Variants in SPTBN1 observed in about 807,000 individuals in gnomAD.
SPTBN1 encodes the protein spectrin beta, non-erythrocytic 1, also known as spectrin beta chain, non-erythrocytic 1.
SPTBN1 carries 32 observed loss-of-function variants against 266.4 expected under a neutral mutation model. The ratio of observed to expected loss-of-function variants is 0.12; its 90% CI spans 0.09 to 0.16. The LOEUF is 0.16. Among genes scored for constraint, SPTBN1 ranks in the 10% least tolerant of loss-of-function variants. The pLI is 1.00. For synonymous variants in SPTBN1, 1,336 were observed against 1,162.2 expected (o/e 1.15, Z -3.04); for missense variants, 2,296 against 3,067.1 (o/e 0.75, Z 5.94).
In SPTBN1 at chr2:54,657,839, A is replaced by G; in HGVS notation, c.6047-11A>G. On this transcript the variant is annotated splice_polypyrimidine_tract_variant and intron_variant, in intron 29 of 35. Transcript: ENST00000356805. ...TGGTCAACGTGTACTAACTCATGGTACCCTGTGCAGTTCTGGAGGTCCATC... is the reference window on the plus strand; with the variant it reads ...TGGTCAACGTGTACTAACTCATGGTGCCCTGTGCAGTTCTGGAGGTCCATC... 7 of 1,614,040 alleles carry G rather than the reference A, an allele frequency of 4.3e-6. No individual in the cohort carries two copies. The highest frequency in any genetic ancestry group is 5.1e-6 in the Non-Finnish European group (6 of 1,179,996).
intron 2 of SPTBN1, among the ~76,000 whole-genome samples, chr2:54,530,960 T>A (rs927266569): frequency 6.6e-6 from 1 of 152,168 alleles, no homozygotes; most frequent in Non-Finnish European, 1.5e-5. Flanking sequence ...AGTTAGAGAA[T>A]TGGAACTTTC....
chr2:54,653,652 A>C lies in SPTBN1; in HGVS notation c.5621A>C (p.Tyr1874Ser). The change falls in exon 27 of 36, where the codon TAT (tyrosine) becomes TCT (serine). Residue 1874 changes from tyrosine to serine, a missense_variant. Transcript: ENST00000356805. The surrounding 1 kb of genome is among the most constrained non-coding windows in gnomAD (Gnocchi z 5.1). ...QEDAARLQAA[Y>S]AGDKADDIQK... ...GATGCAGCCCGCCTCCAGGCGGCCT[A>C]TGCGGGTGACAAGGCCGACGATATC... The C allele has an allele frequency of 6.2e-7, 1 of 1,614,094 alleles. No individual in the cohort carries two copies. The highest frequency in any genetic ancestry group is 8.5e-7 in the Non-Finnish European group (1 of 1,180,014).
chr2:54,613,837 A>C (rs752865821), intron 4 of SPTBN1, among the ~76,000 whole-genome samples: 1 of 152,068 alleles, frequency 6.6e-6, no homozygotes, highest in Non-Finnish European at 1.5e-5. Flanking sequence ...TTAGCAGTAC[A>C]CTCCTCTAGC....
At chr2:54,642,238 G>T (rs1474444735) in intron 18 of SPTBN1, among the ~76,000 whole-genome samples, 1 of 152,234 alleles carries the variant, frequency 6.6e-6, no homozygotes, top group Non-Finnish European at 1.5e-5. Flanking sequence ...CGGTAAGAGA[G>T]CTCCTTTCTC....
chr2:54,662,027 C>T (rs2104230384), intron 32 of SPTBN1: 3 of 985,420 alleles, frequency 3.0e-6, no homozygotes, highest in Middle Eastern at 5.2e-4. Flanking sequence ...TTGCTTCGTG[C>T]ACTTTGAATA....
intron 2 of SPTBN1, among the ~76,000 whole-genome samples, chr2:54,543,007 C>T (rs1232473948): frequency 1.3e-5 from 2 of 152,306 alleles, no homozygotes; most frequent in African/African-American, 4.8e-5. Context: ...GGCCCTGAGG[C>T]TCTCTCAGTC....
rs543999428 is a variant in SPTBN1, at chr2:54,625,056, A to G, written c.1341+94A>G. ...GCATAGGGCCAGAGGACAGCTGCTT[A>G]TCGACATTCATTATTCTGGAGGAAC... On this transcript the variant is annotated intron_variant, in intron 11 of 35. Coordinates refer to ENST00000356805, the MANE Select transcript of SPTBN1 (RefSeq NM_003128.3). 8.5e-6 allele frequency: 12 copies of G among 1,418,980 alleles called. No homozygotes were observed. The South Asian group carries it at 1.1e-4, about 13-fold the overall frequency. The allele number at this position is 1,418,980 out of a possible 1,614,324, so 87.9% of individuals were successfully genotyped here.
chr2:54,468,320 TA>T (rs11288714), intron 1 of SPTBN1, among the ~76,000 whole-genome samples: 34,264 of 145,900 alleles, frequency 0.23, 4,302 homozygotes, highest in African/African-American at 0.33. Flanking sequence ...AAAAATAAAA[TA>T]AAAAAATAAA....
chr2:54,599,897 G>A (rs1357098363), intron 3 of SPTBN1, among the ~76,000 whole-genome samples: 2 of 152,180 alleles, frequency 1.3e-5, no homozygotes, highest in Non-Finnish European at 2.9e-5. Context: ...TTATACCAAA[G>A]AAGCTTAAAG....
rs117802256 is a variant in SPTBN1, at chr2:54,505,763, A to T, written c.-47-20609A>T. Among the ~76,000 whole-genome samples, 301 of 152,246 alleles carry T rather than the reference A, an allele frequency of 2.0e-3. 9 individuals are homozygous for T. In the East Asian group the frequency reaches 0.056, roughly 28 times the overall value. On this transcript the variant is annotated intron_variant, in intron 1 of 35. Transcript: ENST00000356805. ...GTTGTATCTTCTGCTGTTGCTTCAC[A>T]TTGAGCTTGCCACGTTTTCCTTGAA...
At chr2:54,617,446 C>T (rs936658582) in intron 5 of SPTBN1, among the ~76,000 whole-genome samples, 162 bp from the exon 6 acceptor site, 2 of 152,176 alleles carry the variant, frequency 1.3e-5, no homozygotes, top group Non-Finnish European at 2.9e-5. Flanking sequence ...ATGGCAGGCT[C>T]GAGTTGACGG....
chr2:54,471,407 C>T (rs1401284331), intron 1 of SPTBN1, among the ~76,000 whole-genome samples: 2 of 151,908 alleles, frequency 1.3e-5, no homozygotes, highest in African/African-American at 4.8e-5. Context: ...TTTTCTGATA[C>T]ATATTTTTTG....
chr2:54,644,384 C>T lies in SPTBN1; in HGVS notation c.4067C>T (p.Thr1356Ile), dbSNP rs1484839449. The change falls in exon 20 of 36, where the codon ACT becomes ATT. Residue 1356 changes from threonine to isoleucine, a missense_variant. By Grantham distance (89) the Thr-to-Ile change is moderately conservative (BLOSUM62 -1). This residue lies in a region of SPTBN1 where 386 missense variants were observed against 486.1 expected (regional missense o/e 0.79). Transcript: ENST00000356805. ...GAAGCTGTGGTGAAGGAGAAACTCACTGGTTTACATAAAATGTGGGAAGTC... is the reference window on the plus strand; with the variant it reads ...GAAGCTGTGGTGAAGGAGAAACTCATTGGTTTACATAAAATGTGGGAAGTC... Reference protein sequence around the residue: ...ETEAVVKEKLTGLHKMWEVLE... With the variant: ...ETEAVVKEKLIGLHKMWEVLE... 5.0e-6 allele frequency: 8 copies of T among 1,614,054 alleles called. No homozygotes were observed. The Admixed American group carries it at 1.2e-4, about 24-fold the overall frequency.
chr2:54,667,547 G>A (rs878899058), intron 34 of SPTBN1, 57 bp from the exon 35 acceptor site: 3 of 1,543,086 alleles, frequency 1.9e-6, no homozygotes, highest in Non-Finnish European at 9.0e-7. Flanking sequence ...TGGGAGTTGG[G>A]GGATTTTTAT....
In SPTBN1 at chr2:54,569,620, C is replaced by A. The variant is rs905876920; in HGVS notation, c.149-29472C>A. 1.6e-4 allele frequency among the ~76,000 whole-genome samples: 25 copies of A among 152,214 alleles called. No individual in the cohort carries two copies. The East Asian group carries it at 4.6e-3, about 28-fold the overall frequency. On this transcript the variant is annotated intron_variant, in intron 2 of 35. Transcript: ENST00000356805. ...TATGTGGTTATTTCTGTGCCTCTTA[C>A]CAAATATTGGCAATTCACTTTCCAA... is the stretch of plus-strand genomic sequence containing the variant.
At chr2:54,473,544 C>A (rs1191167667) in intron 1 of SPTBN1, among the ~76,000 whole-genome samples, 1 of 151,878 alleles carries the variant, frequency 6.6e-6, no homozygotes, top group African/African-American at 2.4e-5. Context: ...ACACACACAT[C>A]CTTGGATAAC....
Position 54,659,146 on chromosome 2 carries a change from T to C in SPTBN1, c.6244-8T>C. ...GACTCTACCAAACATCACTCTATTT[T>C]CTCTTAGTTGGAGTTACTGGAAGTG... On this transcript the variant is annotated splice_region_variant and splice_polypyrimidine_tract_variant and intron_variant, in intron 30 of 35. Coordinates refer to ENST00000356805, the MANE Select transcript of SPTBN1 (RefSeq NM_003128.3). The C allele has an allele frequency of 6.2e-7, 1 of 1,613,802 alleles. No homozygotes were observed. The highest frequency in any genetic ancestry group is 1.7e-5 in the Admixed American group (1 of 60,008).
intron 2 of SPTBN1, among the ~76,000 whole-genome samples, chr2:54,573,015 C>G (rs1304294668): frequency 6.6e-6 from 1 of 152,150 alleles, no homozygotes; most frequent in African/African-American, 2.4e-5. Flanking sequence ...GGGCCCAGAC[C>G]CCACCAGATA....
In SPTBN1 at chr2:54,628,762, T is replaced by C. The variant is rs752979798; in HGVS notation, c.1799-171T>C. On this transcript the variant is annotated intron_variant, in intron 13 of 35. Transcript: ENST00000356805. This position sits in a 1 kb window ranked among gnomAD's most constrained non-coding sequence, Gnocchi z 4.3. ...TTTATCATTGCCCTCACTCCTGTTC[T>C]AGTCAAGTTGTTAGAAGGTGCTCCA... Among the ~76,000 whole-genome samples the C allele has an allele frequency of 1.3e-5, 2 of 152,252 alleles. No individual in the cohort carries two copies. The highest frequency in any genetic ancestry group is 4.1e-4 in the South Asian group (2 of 4,834).
Sources: allele counts gnomAD v4.1 joint callset (sites outside exome capture counted in the v4.1 genomes callset), GRCh38; gene constraint gnomAD v4.1.1; regional missense constraint gnomAD v4.1.1; non-coding constraint Gnocchi (gnomAD v3.1); transcripts MANE v1.5; gene names NCBI Gene and HGNC (gene_info 2026-07-23, HGNC 2026-07-21).